Variants in GSK3A observed in about 807,000 individuals in gnomAD.
The protein encoded by GSK3A is glycogen synthase kinase 3 alpha.
A neutral mutation model predicts 56.6 loss-of-function variants in GSK3A; 14 were observed. The ratio of observed to expected loss-of-function variants is 0.25; its 90% CI spans 0.16 to 0.39. The LOEUF (loss-of-function observed/expected upper bound fraction) is 0.39. Among genes scored for constraint, GSK3A ranks in the 10% least tolerant of loss-of-function variants. The probability of loss-of-function intolerance (pLI) is 1.00; values close to 1 mark genes in which losing one functional copy is unlikely to be tolerated. For missense variants in GSK3A, 450 were observed against 656.0 expected (o/e 0.69, Z 3.43); for synonymous variants, 301 against 285.0 (o/e 1.06, Z -0.56).
chr19:42,240,796 T>TTCACAAAAAACA (rs1334317344), intron 1 of GSK3A: 14 of 152,842 alleles, frequency 9.2e-5, no homozygotes, highest in African/African-American at 3.4e-4. Flanking sequence ...GACCCCTCAC[T>TTCACAAAAAACA]ATATGTGGGT....
chr19:42,237,785 A>G (rs969704678), intron 2 of GSK3A, among the ~76,000 whole-genome samples: 4 of 151,876 alleles, frequency 2.6e-5, no homozygotes, highest in Non-Finnish European at 5.9e-5. Flanking sequence ...AGGCTGAGGC[A>G]GGAGAATGGC....
At chr19:42,238,839 C>T (rs969793834) in intron 2 of GSK3A, among the ~76,000 whole-genome samples, 2 of 151,888 alleles carry the variant, frequency 1.3e-5, no homozygotes, top group Non-Finnish European at 2.9e-5. Flanking sequence ...CATAGTGGCC[C>T]ATGCCTGCAA....
chr19:42,231,499 T>C (rs2036223379), intron 10 of GSK3A, among the ~76,000 whole-genome samples: 1 of 151,040 alleles, frequency 6.6e-6, no homozygotes, highest in Admixed American at 6.6e-5. Flanking sequence ...GTGGACACCA[T>C]GGCCAGGCAC....
chr19:42,239,837 T>TC, intron 2 of GSK3A, 118 bp downstream of exon 2: 1 of 763,266 alleles, frequency 1.3e-6, no homozygotes, highest in South Asian at 1.7e-5. Flanking sequence ...TTTCCTCTTT[T>TC]CCCCCTTCTC....
intron 2 of GSK3A, among the ~76,000 whole-genome samples, chr19:42,237,288 A>G (rs1034952426): frequency 3.3e-5 from 5 of 151,172 alleles, no homozygotes; most frequent in Non-Finnish European, 7.4e-5. Flanking sequence ...CCTTCCAAGT[A>G]GCTGGGATTA....
At chr19:42,236,106 C>T (rs1160561808) in intron 4 of GSK3A, among the ~76,000 whole-genome samples, 4 of 152,210 alleles carry the variant, frequency 2.6e-5, no homozygotes, top group African/African-American at 4.8e-5. Context: ...AGGTCTGTAA[C>T]ACCCAGGGCA....
chr19:42,231,419 C>T (rs2036223072), intron 10 of GSK3A, among the ~76,000 whole-genome samples: 1 of 152,012 alleles, frequency 6.6e-6, no homozygotes, highest in South Asian at 2.1e-4. Flanking sequence ...CATTGCTGCC[C>T]AATCTGATTT....
chr19:42,238,826 A>C (rs1259793420), intron 2 of GSK3A, among the ~76,000 whole-genome samples: 1 of 151,740 alleles, frequency 6.6e-6, no homozygotes, highest in Non-Finnish European at 1.5e-5. Flanking sequence ...AAAATTAGCC[A>C]GGCATAGTGG....
chr19:42,234,498 G>T lies in GSK3A; in HGVS notation c.798-39C>A. Reference sequence around the variant, plus strand: ...TGGGCAGGGGTACACGTGAGGCAAGGGTTGGGGTCCCCCCTGCCTCTTCAG... The same window carrying T: ...TGGGCAGGGGTACACGTGAGGCAAGTGTTGGGGTCCCCCCTGCCTCTTCAG... On this transcript the variant is annotated intron_variant, in intron 5 of 10. Coordinates refer to ENST00000222330, the MANE Select transcript of GSK3A (RefSeq NM_019884.3). The surrounding 1 kb of genome is among the most constrained non-coding windows in gnomAD (Gnocchi z 5.7). The T allele has an allele frequency of 6.2e-7, 1 of 1,613,186 alleles. No homozygotes were observed. The highest frequency in any genetic ancestry group is 8.5e-7 in the Non-Finnish European group (1 of 1,179,178).
chr19:42,237,522 T>C (rs546687187), intron 2 of GSK3A, among the ~76,000 whole-genome samples: 2 of 151,904 alleles, frequency 1.3e-5, no homozygotes, highest in South Asian at 4.2e-4. Context: ...TTCAACTTAT[T>C]GCTGACATGT....
rs1436162726 is a variant in GSK3A, at chr19:42,234,507, C to T, written c.797+41G>A. On this transcript the variant is annotated intron_variant, in intron 5 of 10. Transcript: ENST00000222330. The surrounding 1 kb of genome is among the most constrained non-coding windows in gnomAD (Gnocchi z 5.7). ...GTACACGTGAGGCAAGGGTTGGGGT[C>T]CCCCCTGCCTCTTCAGCCACCCAAC... 1 of 1,611,570 alleles carries T rather than the reference C, an allele frequency of 6.2e-7. No homozygotes were observed. The highest frequency in any genetic ancestry group is 8.5e-7 in the Non-Finnish European group (1 of 1,177,846).
Position 42,236,911 on chromosome 19 carries a change from C to G in GSK3A, c.502G>C (p.Asp168His). The G allele has an allele frequency of 6.2e-7, 1 of 1,612,922 alleles. No individual in the cohort carries two copies. Among genetic ancestry groups the G allele is most frequent in the South Asian group, 1.1e-5 (1 of 91,040 alleles). Reference protein sequence around the residue: ...NRELQIMRKLDHCNIVRLRYF... With the variant: ...NRELQIMRKLHHCNIVRLRYF... ...CTCAGCCTCACAATATTGCAGTGGT[C>G]CAGCTTACGCATGATCTGCAGCTCT... The change falls in exon 3 of 11, where the codon GAC becomes CAC. Residue 168 changes from aspartate to histidine, a missense_variant. Physicochemically the swap from Asp to His is moderately conservative, Grantham distance 81. Around this residue, in one of 3 missense-constraint regions of GSK3A, gnomAD observed 144 missense variants for 308.0 expected, o/e 0.47. Transcript: ENST00000222330.
At chr19:42,238,322 G>A (rs1381984581) in intron 2 of GSK3A, among the ~76,000 whole-genome samples, 1 of 150,930 alleles carries the variant, frequency 6.6e-6, no homozygotes, top group Non-Finnish European at 1.5e-5. Flanking sequence ...GGCAGAGGTT[G>A]CAGTGAGCCG....
intron 1 of GSK3A, 45 bp downstream of exon 1, chr19:42,242,138 T>C (rs1049810348): frequency 7.7e-7 from 1 of 1,301,474 alleles, no homozygotes; most frequent in Admixed American, 4.0e-5. Context: ...TGAGGAGCTT[T>C]GGGAACCCTA....
intron 2 of GSK3A, among the ~76,000 whole-genome samples, chr19:42,237,916 A>G (rs1163920376): frequency 6.6e-6 from 1 of 151,202 alleles, no homozygotes; most frequent in Non-Finnish European, 1.5e-5. Context: ...AAAATTTATT[A>G]TTATTATTAT....
Position 42,234,646 on chromosome 19 carries a change from G to A in GSK3A, c.699C>T (p.Ala233=). 6.2e-7 allele frequency: 1 copy of A among 1,611,698 alleles called. No homozygotes were observed. Among genetic ancestry groups the A allele is most frequent in the South Asian group, 1.1e-5 (1 of 90,864 alleles). ...VYMYQLFRSL[A]YIHSQGVCHR... is the part of the protein sequence containing the mutation. ...GACACACGCCCTGGGAGTGGATGTA[G>A]GCCAAGCTGCGGAAGAGCTGGTACA... The change falls in exon 5 of 11, where the codon GCC becomes GCT. Residue 233 remains alanine (A), a synonymous_variant. Coordinates refer to ENST00000222330, the MANE Select transcript of GSK3A (RefSeq NM_019884.3). The surrounding 1 kb of genome is among the most constrained non-coding windows in gnomAD (Gnocchi z 5.7).
At chr19:42,233,060 G>C (rs763037741) in intron 8 of GSK3A, 50 bp downstream of exon 8, 1 of 1,232,720 alleles carries the variant, frequency 8.1e-7, no homozygotes, top group Admixed American at 2.3e-5. Flanking sequence ...TGACCTCCAA[G>C]GGGGACCAGC....
At chr19:42,240,356 TAGG>T (rs1228969464) in intron 1 of GSK3A, 3 of 597,902 alleles carry the variant, frequency 5.0e-6, no homozygotes, top group African/African-American at 3.7e-5. Flanking sequence ...CCCCTCCACA[TAGG>T]AGGATATTGA....
In GSK3A at chr19:42,233,346, G is replaced by A; in HGVS notation, c.942C>T (p.Leu314=). Reference sequence around the variant, plus strand: ...CCCCAGGGAAGATGGGCTGGCCCAAGAGGAGCTCTGCCAGTACACAGCCAG... The same window carrying A: ...CCCCAGGGAAGATGGGCTGGCCCAAAAGGAGCTCTGCCAGTACACAGCCAG... The part of the protein sequence containing the change: ...WSAGCVLAEL[L]LGQPIFPGDS... The change falls in exon 7 of 11, where the codon CTC becomes CTT. Residue 314 remains leucine, a synonymous_variant. Coordinates refer to ENST00000222330, the MANE Select transcript of GSK3A (RefSeq NM_019884.3). 12 of 1,577,278 alleles carry A rather than the reference G, an allele frequency of 7.6e-6. No homozygotes were observed. Among genetic ancestry groups the A allele is most frequent in the Non-Finnish European group, 1.0e-5 (12 of 1,159,972 alleles).
Sources: gnomAD v4.1 joint callset for allele counts (sites outside exome capture counted in the v4.1 genomes callset) on GRCh38, gnomAD v4.1.1 for gene constraint, gnomAD v4.1.1 regional missense constraint, Gnocchi (gnomAD v3.1) non-coding constraint, MANE v1.5 for transcripts, NCBI Gene and HGNC (gene_info 2026-07-23, HGNC 2026-07-21) for gene names.